Variants in KCNMA1 observed in about 807,000 individuals in gnomAD.
KCNMA1 encodes the protein Calcium-activated potassium channel subunit alpha-1.
In KCNMA1, 29 loss-of-function variants were observed where a neutral mutation model predicts 140.0. That is an observed-to-expected ratio of 0.21 (90% CI 0.15 to 0.28). The LOEUF (loss-of-function observed/expected upper bound fraction) is 0.28. Ranked by LOEUF, KCNMA1 falls within the 10% of genes least tolerant of loss-of-function variation. The pLI is 1.00. For missense variants in KCNMA1, 880 were observed against 1,602.2 expected (o/e 0.55, Z 7.70); for synonymous variants, 612 against 611.9 (o/e 1.00, Z 0.00).
chr10:77,603,711 C>T (rs556890375), intron 1 of KCNMA1, among the ~76,000 whole-genome samples: 74 of 152,266 alleles, frequency 4.9e-4, no homozygotes, highest in African/African-American at 1.8e-3. Context: ...ACAGCCCACA[C>T]CCCACAACCC....
intron 23 of KCNMA1, among the ~76,000 whole-genome samples, chr10:76,921,627 TG>T (rs1181358637): frequency 1.3e-5 from 2 of 152,218 alleles, no homozygotes; most frequent in Non-Finnish European, 2.9e-5. Flanking sequence ...ATAGCTCCCC[TG>T]AGCAACTACG....
At chr10:77,127,020 G>A (rs1352756990) in intron 5 of KCNMA1, among the ~76,000 whole-genome samples, 4 of 150,772 alleles carry the variant, frequency 2.7e-5, no homozygotes, top group East Asian at 2.0e-4. Flanking sequence ...GTGTACACAC[G>A]CCACAGAAAA....
chr10:77,271,016 A>G (rs1009479945), intron 2 of KCNMA1, among the ~76,000 whole-genome samples: 1 of 152,240 alleles, frequency 6.6e-6, no homozygotes, highest in African/African-American at 2.4e-5. Flanking sequence ...CTAATGAGAT[A>G]CTAGAAATAC....
chr10:77,560,969 T>C (rs1346138308), intron 1 of KCNMA1, among the ~76,000 whole-genome samples: 4 of 152,134 alleles, frequency 2.6e-5, no homozygotes, highest in Non-Finnish European at 5.9e-5. Flanking sequence ...GGTCTAGCCC[T>C]GGGACTACTG....
chr10:77,345,375 G>T (rs143807799), intron 2 of KCNMA1, among the ~76,000 whole-genome samples: 7 of 151,698 alleles, frequency 4.6e-5, no homozygotes, highest in Non-Finnish European at 7.4e-5. Context: ...TTGCCAGGTG[G>T]TGCCTCCCTA....
chr10:77,065,719 G>A (rs1565875810), intron 14 of KCNMA1, among the ~76,000 whole-genome samples: 2 of 152,186 alleles, frequency 1.3e-5, no homozygotes, highest in Middle Eastern at 3.4e-3. Flanking sequence ...GGTTACATGA[G>A]CACTGAGGGT....
chr10:77,358,699 G>A (rs1040767842), intron 2 of KCNMA1, among the ~76,000 whole-genome samples: 6 of 152,266 alleles, frequency 3.9e-5, no homozygotes, highest in African/African-American at 1.2e-4. Context: ...ACACCATTCA[G>A]GATGATTCCT....
At chr10:77,018,959 T>C in intron 17 of KCNMA1, 54 bp downstream of exon 17, 1 of 985,426 alleles carries the variant, frequency 1.0e-6, no homozygotes, top group South Asian at 1.3e-5. Flanking sequence ...CTTCCGTGGG[T>C]CAAGGTGTCT....
intron 1 of KCNMA1, among the ~76,000 whole-genome samples, chr10:77,612,088 G>T (rs2154568177): frequency 6.6e-6 from 1 of 152,256 alleles, no homozygotes; most frequent in Non-Finnish European, 1.5e-5. Flanking sequence ...CCCAACACAT[G>T]GACCTAACCA....
At chr10:77,396,698 T>C (rs1035747298) in intron 2 of KCNMA1, among the ~76,000 whole-genome samples, 1 of 152,192 alleles carries the variant, frequency 6.6e-6, no homozygotes, top group Admixed American at 6.5e-5. Flanking sequence ...ATGCAACATA[T>C]TTAGGGGGAT....
chr10:77,167,300 A>G (rs1385937686), intron 5 of KCNMA1, among the ~76,000 whole-genome samples: 1 of 152,154 alleles, frequency 6.6e-6, no homozygotes, highest in Non-Finnish European at 1.5e-5. Flanking sequence ...CACAAATGAC[A>G]GGGTTTCATT....
At chr10:77,550,955 A>G (rs1017003930) in intron 1 of KCNMA1, among the ~76,000 whole-genome samples, 1 of 152,226 alleles carries the variant, frequency 6.6e-6, no homozygotes. Context: ...GGACACACTC[A>G]TAGAGTATTC....
At chr10:77,361,092 T>C (rs2093910024) in intron 2 of KCNMA1, among the ~76,000 whole-genome samples, 1 of 152,162 alleles carries the variant, frequency 6.6e-6, no homozygotes, top group South Asian at 2.1e-4. Flanking sequence ...ACTTAATCTC[T>C]CTAAGCACAG....
chr10:76,918,558 A>G (rs531177805), intron 23 of KCNMA1, among the ~76,000 whole-genome samples: 1 of 152,304 alleles, frequency 6.6e-6, no homozygotes, highest in African/African-American at 2.4e-5. Context: ...TATTCCTGCA[A>G]GAACGGCCAT....
intron 19 of KCNMA1, among the ~76,000 whole-genome samples, chr10:76,994,398 C>T (rs2083610663): frequency 6.6e-6 from 1 of 152,226 alleles, no homozygotes; most frequent in Admixed American, 6.5e-5. Context: ...CCTGTGTACT[C>T]AGAGTTGCTT....
At chr10:76,897,107 A>G (rs1304916954) in intron 25 of KCNMA1, among the ~76,000 whole-genome samples, 1 of 151,962 alleles carries the variant, frequency 6.6e-6, no homozygotes, top group African/African-American at 2.4e-5. Flanking sequence ...AGATATAGGG[A>G]TTTTTGTTTG....
chr10:76,978,402 G>A (rs1293461243), intron 19 of KCNMA1: 1 of 152,106 alleles, frequency 6.6e-6, no homozygotes, highest in Non-Finnish European at 1.5e-5. Context: ...ATGTATTTAT[G>A]AATTTATAAT....
chr10:76,952,055 G>T, intron 21 of KCNMA1: 3 of 1,552,154 alleles, frequency 1.9e-6, no homozygotes, highest in Non-Finnish European at 2.6e-6. Flanking sequence ...ACTTTTTTAT[G>T]CTGGCAGGAG....
chr10:76,920,053 C>CACATAT (rs2055012636), intron 23 of KCNMA1, among the ~76,000 whole-genome samples: 1 of 95,476 alleles, frequency 1.0e-5, no homozygotes, highest in Non-Finnish European at 1.9e-5. Context: ...TATATATATA[C>CACATAT]ACACAATATT....
Sources: allele counts gnomAD v4.1 joint callset (sites outside exome capture counted in the v4.1 genomes callset), GRCh38; gene constraint gnomAD v4.1.1; transcripts MANE v1.5; gene names NCBI Gene and HGNC (gene_info 2026-07-23, HGNC 2026-07-21).